The following SAMD14 variants were observed in gnomAD, a reference collection of about 807,000 sequenced individuals.
SAMD14 encodes sterile alpha motif domain-containing protein 14.
Under a neutral mutation model 46.2 loss-of-function variants are expected in SAMD14, and 27 were observed. The observed-to-expected ratio is 0.58, with a 90% CI of 0.43 to 0.81. SAMD14 has a LOEUF of 0.81. Among genes scored for constraint, SAMD14 ranks in the 30% least tolerant of loss-of-function variants. The pLI, the probability that SAMD14 is intolerant of heterozygous loss-of-function variation, is 0.00. For missense variants in SAMD14, 559 were observed against 582.2 expected, an observed-to-expected ratio of 0.96 and a Z score of 0.41; for synonymous variants, 241 against 254.3, an observed-to-expected ratio of 0.95 and a Z score of 0.50.
At chr17:50,121,789 G>T (rs1218868915) in intron 2 of SAMD14, among the ~76,000 whole-genome samples, 3 of 134,140 alleles carry the variant, frequency 2.2e-5, no homozygotes, top group African/African-American at 5.7e-5. Context: ...ACATGACTAT[G>T]GCTAAGAGCA....
Position 50,129,521 on chromosome 17 carries a change from G to C in SAMD14, c.-17C>G, listed in dbSNP as rs1911936988. On this transcript the variant is annotated 5_prime_UTR_variant, in exon 1 of 10. Coordinates refer to ENST00000330175, the MANE Select transcript of SAMD14 (RefSeq NM_001257359.2). The surrounding 1 kb of genome is among the most constrained non-coding windows in gnomAD (Gnocchi z 5.6). ...CCAGGGCGCCCGGCCCCTCACCTCC[G>C]GCATCGGTCATCTTCAGCGTCTGGC... The C allele has an allele frequency of 6.6e-6, 1 of 152,372 alleles. No homozygotes were observed. The highest frequency in any genetic ancestry group is 1.5e-5 in the Non-Finnish European group (1 of 68,220). 9.4% of individuals were successfully genotyped at this position (152,372 alleles called of 1,614,324 possible).
intron 3 of SAMD14, 153 bp from the exon 4 acceptor site, chr17:50,117,848 A>G (rs1911309807): frequency 1.2e-6 from 1 of 819,536 alleles, no homozygotes; most frequent in African/African-American, 1.8e-5. Context: ...GTGGCTGGAG[A>G]GTGAGAGGTG....
At chr17:50,116,139 C>T (rs751298440) in intron 4 of SAMD14, 49 bp from the exon 5 acceptor site, 30 of 1,570,318 alleles carry the variant, frequency 1.9e-5, no homozygotes, top group South Asian at 2.3e-5. Flanking sequence ...GCCCTGCCTG[C>T]CTCCTTCGGC....
chr17:50,125,930 T>C (rs1180215112), intron 1 of SAMD14, among the ~76,000 whole-genome samples: 1 of 152,112 alleles, frequency 6.6e-6, no homozygotes, highest in Non-Finnish European at 1.5e-5. Context: ...GTTCAAGGTT[T>C]TTTGGTGGGA....
In SAMD14 at chr17:50,114,271, G is replaced by T. The variant is rs1220905303; in HGVS notation, c.858C>A (p.Ser286Arg). Residue 286 changes from serine (S) to arginine (R), a missense_variant, in exon 8 of 10, where the codon AGC (serine) becomes AGA (arginine). Coordinates refer to ENST00000330175, the MANE Select transcript of SAMD14 (RefSeq NM_001257359.2). ...GCCCACTGGGGATCTTGGGGCTGCT[G>T]CTGGGGGGCGTGGAGTCATCACTCA... ...STLSDDSTPP[S>R]SSPKIPSGPW... The T allele has an allele frequency of 6.2e-7, 1 of 1,613,990 alleles. No homozygotes were observed. The highest frequency in any genetic ancestry group is 8.5e-7 in the Non-Finnish European group (1 of 1,180,022).
At chr17:50,124,763 G>GCGCACGCGCA (rs57385248) in intron 2 of SAMD14, among the ~76,000 whole-genome samples, 154 bp downstream of exon 2, 8,804 of 105,908 alleles carry the variant, frequency 0.083, 300 homozygotes, top group Middle Eastern at 0.2. Flanking sequence ...ACGCGTGCAC[G>GCGCACGCGCA]CGCGCGCGCA....
chr17:50,125,480 C>A, intron 1 of SAMD14: 1 of 167,020 alleles, frequency 6.0e-6, no homozygotes, highest in Non-Finnish European at 1.3e-5. Flanking sequence ...AGGACCAGGA[C>A]CCAGGTTCTA....
intron 4 of SAMD14, among the ~76,000 whole-genome samples, chr17:50,117,004 T>C (rs1277432043): frequency 1.3e-5 from 2 of 151,984 alleles, no homozygotes; most frequent in African/African-American, 2.4e-5. Flanking sequence ...TACAGGTGCA[T>C]ACCACGCGGG....
At chr17:50,118,349 C>T in intron 2 of SAMD14, 22 bp from the exon 3 acceptor site, 1 of 1,607,620 alleles carries the variant, frequency 6.2e-7, no homozygotes. Context: ...GGGAGGGGAG[C>T]AGAGACCAGA....
intron 2 of SAMD14, among the ~76,000 whole-genome samples, chr17:50,121,499 G>A (rs1317538911): frequency 6.6e-6 from 1 of 151,980 alleles, no homozygotes; most frequent in Non-Finnish European, 1.5e-5. Context: ...TGTATTTTTA[G>A]TAGAGATGGG....
chr17:50,124,085 C>T (rs1911631192), intron 2 of SAMD14: 1 of 456,178 alleles, frequency 2.2e-6, no homozygotes, highest in Non-Finnish European at 4.4e-6. Context: ...CGCTCTCACC[C>T]TCTCCCTCAT....
rs1911960417 is a variant in SAMD14 at position 50,129,954 on chromosome 17, G to T, written c.-450C>A. Reference sequence around the variant, plus strand: ...GGCCCCCGCCTGGCAGGGCCGATTCGCGCGGCGTCGCGTCGGCAGGGGTCC... The same window carrying T: ...GGCCCCCGCCTGGCAGGGCCGATTCTCGCGGCGTCGCGTCGGCAGGGGTCC... On this transcript the variant is annotated 5_prime_UTR_variant, in exon 1 of 10. Transcript: ENST00000330175. The surrounding 1 kb of genome is among the most constrained non-coding windows in gnomAD (Gnocchi z 5.6). 6.6e-6 allele frequency: 1 copy of T among 151,772 alleles called. No homozygotes were observed. The highest frequency in any genetic ancestry group is 2.1e-4 in the South Asian group (1 of 4,822). The allele number at this position is 151,772 out of a possible 1,614,324, so 9.4% of individuals were successfully genotyped here.
At position 50,117,448 on chromosome 17, in the gene SAMD14, C is replaced by A; in HGVS notation, c.458G>T (p.Ser153Ile). ...RSAPSSDSSP[S>I]FVRRHPRAEP... is the part of the protein sequence containing the mutation. ...TGCGCGCGGGTGGCGGCGCACGAAGCTGGGGGAGCTGTCGGAGGAGGGCGC... is the reference window on the plus strand; with the variant it reads ...TGCGCGCGGGTGGCGGCGCACGAAGATGGGGGAGCTGTCGGAGGAGGGCGC... The change falls in exon 4 of 10, where the codon AGC becomes ATC. Residue 153 changes from serine (S) to isoleucine (I), a missense_variant. Ser to Ile is a moderately radical substitution (Grantham distance 142). Transcript: ENST00000330175. 1 of 1,367,916 alleles carries A rather than the reference C, an allele frequency of 7.3e-7. No individual in the cohort carries two copies. 84.7% of individuals were successfully genotyped at this position (1,367,916 alleles called of 1,614,324 possible).
intron 1 of SAMD14, among the ~76,000 whole-genome samples, chr17:50,128,509 CA>C (rs1567724327): frequency 4.7e-5 from 7 of 150,278 alleles, no homozygotes; most frequent in East Asian, 3.9e-4. Context: ...CACACACACA[CA>C]CACCCCCATT....
At chr17:50,113,790 G>A (rs1431759405) in intron 9 of SAMD14, 134 bp downstream of exon 9, 3 of 996,968 alleles carry the variant, frequency 3.0e-6, no homozygotes, top group Admixed American at 2.4e-5. Flanking sequence ...GGTCAGGGTG[G>A]TGGCCACAGA....
intron 2 of SAMD14, among the ~76,000 whole-genome samples, chr17:50,122,927 G>A (rs1185259452): frequency 6.6e-6 from 1 of 152,014 alleles, no homozygotes; most frequent in Non-Finnish European, 1.5e-5. Context: ...GGGGCAACCT[G>A]CTGGTGTTTC....
intron 1 of SAMD14, 84 bp from the exon 2 acceptor site, chr17:50,125,055 G>A (rs1367430504): frequency 1.6e-6 from 2 of 1,262,204 alleles, no homozygotes; most frequent in African/African-American, 2.9e-5. Context: ...GATGTGGAAG[G>A]CTACCTGCTC....
rs1910828181 is a variant in SAMD14, at chr17:50,111,336, T to G, written c.*1557A>C. 1 of 152,230 alleles carries G rather than the reference T, an allele frequency of 6.6e-6. No homozygotes were observed. The allele number at this position is 152,230 out of a possible 1,614,324, so 9.4% of individuals were successfully genotyped here. On this transcript the variant is annotated 3_prime_UTR_variant, in exon 10 of 10. Coordinates refer to ENST00000330175, the MANE Select transcript of SAMD14 (RefSeq NM_001257359.2). Reference sequence around the variant, plus strand: ...CTGGTCACTGGCACATCATAAGGATTTATTGAAATAAATTGAGAACTGCCT... The same window carrying G: ...CTGGTCACTGGCACATCATAAGGATGTATTGAAATAAATTGAGAACTGCCT...
intron 1 of SAMD14, among the ~76,000 whole-genome samples, chr17:50,126,290 T>TGGCC (rs145091734): frequency 0.037 from 5,469 of 149,616 alleles, 188 homozygotes; most frequent in African/African-American, 0.092. Context: ...ACCTTTACTG[T>TGGCC]GGCCAGCCTT....
Sources: gnomAD v4.1 joint callset for allele counts (sites outside exome capture counted in the v4.1 genomes callset) on GRCh38, gnomAD v4.1.1 for gene constraint, Gnocchi (gnomAD v3.1) non-coding constraint, MANE v1.5 for transcripts, NCBI Gene and HGNC (gene_info 2026-07-23, HGNC 2026-07-21) for gene names.